The following STK3 variants were observed in gnomAD, a reference collection of about 807,000 sequenced individuals.
STK3 encodes the protein serine/threonine kinase 3.
STK3 carries 41 observed loss-of-function variants against 58.0 expected under a neutral mutation model. The observed-to-expected ratio is 0.71, with a 90% confidence interval of 0.55 to 0.92. STK3 has a LOEUF of 0.92. STK3 is among the 40% of genes least tolerant of loss of function. The pLI, the probability that STK3 is intolerant of heterozygous loss-of-function variation, is 0.00. For missense variants in STK3, 479 were observed against 602.7 expected, an observed-to-expected ratio of 0.79 and a Z score of 2.15; for synonymous variants, 170 against 191.0, an observed-to-expected ratio of 0.89 and a Z score of 0.91.
At chr8:98,781,815 A>G (rs1563994785) in intron 1 of STK3, among the ~76,000 whole-genome samples, 1 of 152,118 alleles carries the variant, frequency 6.6e-6, no homozygotes, top group Admixed American at 6.5e-5. Context: ...AAATTATTAA[A>G]CCTATGAGTA....
intron 1 of STK3, among the ~76,000 whole-genome samples, chr8:98,802,589 T>G (rs1166922477): frequency 6.6e-6 from 1 of 152,178 alleles, no homozygotes; most frequent in Non-Finnish European, 1.5e-5. Context: ...ATAAAAAGAT[T>G]TTTAAAGAGT....
At chr8:98,736,090 A>G (rs1828566131) in intron 4 of STK3, among the ~76,000 whole-genome samples, 1 of 152,204 alleles carries the variant, frequency 6.6e-6, no homozygotes, top group Non-Finnish European at 1.5e-5. Flanking sequence ...AAGATAGCCT[A>G]CCTAATAGTC....
chr8:98,644,146 G>C (rs1820226110), intron 6 of STK3, among the ~76,000 whole-genome samples: 1 of 152,086 alleles, frequency 6.6e-6, no homozygotes, highest in Admixed American at 6.6e-5. Context: ...TTAAAGCCAA[G>C]TTTTATATTA....
chr8:98,418,771 CAT>C (rs1395444623), intron 3 of STK3, among the ~76,000 whole-genome samples: 2 of 152,144 alleles, frequency 1.3e-5, no homozygotes, highest in Non-Finnish European at 2.9e-5. Flanking sequence ...GCTTCCACTC[CAT>C]ATCTAGGTGA....
chr8:98,874,604 T>C (rs1411481156), intron 3 of STK3, among the ~76,000 whole-genome samples: 1 of 152,050 alleles, frequency 6.6e-6, no homozygotes, highest in Non-Finnish European at 1.5e-5. Context: ...TATATATATA[T>C]GTGCTATCCA....
intron 3 of STK3, among the ~76,000 whole-genome samples, chr8:98,845,650 C>A (rs1008887849): frequency 6.6e-6 from 1 of 151,984 alleles, no homozygotes; most frequent in Admixed American, 6.6e-5. Flanking sequence ...TTATTTTTAC[C>A]TTTATAAGTT....
intron 10 of STK3, among the ~76,000 whole-genome samples, chr8:98,525,461 C>G (rs558720440): frequency 6.6e-6 from 1 of 150,638 alleles, no homozygotes; most frequent in South Asian, 2.1e-4. Context: ...CCAACTGACA[C>G]AAGACAACTC....
chr8:98,667,372 C>G (rs932620590), intron 6 of STK3, among the ~76,000 whole-genome samples: 1 of 152,070 alleles, frequency 6.6e-6, no homozygotes, highest in Non-Finnish European at 1.5e-5. Context: ...AAAATGAAAA[C>G]AGGTGTCATC....
chr8:98,386,105 G>C (rs1366778856), intron 1 of STK3, among the ~76,000 whole-genome samples: 1 of 152,140 alleles, frequency 6.6e-6, no homozygotes, highest in African/African-American at 2.4e-5. Context: ...CAGGCACTCA[G>C]TATATTGCAA....
chr8:98,442,493 C>A (rs1430875835), intron 1 of STK3, among the ~76,000 whole-genome samples: 1 of 152,212 alleles, frequency 6.6e-6, no homozygotes, highest in Non-Finnish European at 1.5e-5. Flanking sequence ...TATTTCAGGC[C>A]CTCACCTTTT....
intron 10 of STK3, among the ~76,000 whole-genome samples, chr8:98,492,187 C>G (rs1822751354): frequency 6.6e-6 from 1 of 152,190 alleles, no homozygotes; most frequent in South Asian, 2.1e-4. Context: ...ATGAATACTT[C>G]TAAATTCTCC....
At chr8:98,453,971 T>A (rs1488877149), downstream of STK3, among the ~76,000 whole-genome samples, 2 of 152,244 alleles carry the variant, frequency 1.3e-5, no homozygotes, top group African/African-American at 4.8e-5. Context: ...GCATATATTG[T>A]AAATTCAGTT....
intron 7 of STK3, among the ~76,000 whole-genome samples, chr8:98,582,048 C>T (rs1415670101): frequency 6.6e-6 from 1 of 152,002 alleles, no homozygotes; most frequent in Non-Finnish European, 1.5e-5. Context: ...AGAACATGAA[C>T]AAAATTTAAG....
At chr8:98,672,836 G>A (rs1451332455) in intron 6 of STK3, among the ~76,000 whole-genome samples, 1 of 152,142 alleles carries the variant, frequency 6.6e-6, no homozygotes, top group East Asian at 1.9e-4. Flanking sequence ...TAACCATCAA[G>A]TTATTACTAT....
At chr8:98,502,682 T>C (rs1462305410) in intron 10 of STK3, among the ~76,000 whole-genome samples, 1 of 152,206 alleles carries the variant, frequency 6.6e-6, no homozygotes, top group South Asian at 2.1e-4. Flanking sequence ...TTGTCATTGA[T>C]TCTGTTTATA....
At chr8:98,542,485 C>G (rs1317876563) in intron 9 of STK3, among the ~76,000 whole-genome samples, 2 of 152,078 alleles carry the variant, frequency 1.3e-5, no homozygotes, top group Non-Finnish European at 2.9e-5. Context: ...ATAGAAGCCC[C>G]TTTGACTAGC....
In STK3 at chr8:98,574,731, T is replaced by G. The variant is rs1192350567; in HGVS notation, c.948+4933A>C. On this transcript the variant is annotated intron_variant, in intron 8 of 10. Transcript: ENST00000419617. ...AAATTTCTAACCACAGGAAGCAGGC[T>G]GAGAAAACTATCTAGCTCAACACAC... Among the ~76,000 whole-genome samples, 4 of 152,080 alleles carry G rather than the reference T, an allele frequency of 2.6e-5. No homozygotes were observed. In the South Asian group the frequency reaches 6.2e-4, roughly 24 times the overall value.
intron 2 of STK3, among the ~76,000 whole-genome samples, chr8:98,374,934 A>G (rs1490723119): frequency 6.6e-6 from 1 of 152,044 alleles, no homozygotes; most frequent in African/African-American, 2.4e-5. Context: ...CATACCTTAA[A>G]TTTTTTTATT....
At chr8:98,840,381 C>T (rs1468422749) in intron 3 of STK3, among the ~76,000 whole-genome samples, 3 of 143,012 alleles carry the variant, frequency 2.1e-5, no homozygotes, top group African/African-American at 7.8e-5. Flanking sequence ...AGACCAGCCT[C>T]GGCAACATGG....
Sources: allele counts gnomAD v4.1 joint callset (sites outside exome capture counted in the v4.1 genomes callset), GRCh38; gene constraint gnomAD v4.1.1; transcripts MANE v1.5; gene names NCBI Gene and HGNC (gene_info 2026-07-23, HGNC 2026-07-21).